SLC37A1: variants seen among roughly 807,000 people sequenced by gnomAD.
SLC37A1 encodes the protein glucose-6-phosphate exchanger SLC37A1.
A neutral mutation model predicts 75.3 loss-of-function variants in SLC37A1; 49 were observed. The ratio of observed to expected loss-of-function variants is 0.65; its 90% confidence interval spans 0.52 to 0.83. SLC37A1 has a LOEUF of 0.83. Among genes scored for constraint, SLC37A1 ranks in the 40% least tolerant of loss-of-function variants. The pLI is 0.00. For synonymous variants in SLC37A1, 268 were observed against 292.1 expected (o/e 0.92, Z 0.84); for missense variants, 566 against 695.0 (o/e 0.81, Z 2.09).
At position 42,501,102 on chromosome 21, in the gene SLC37A1, A is replaced by C. The variant is rs73374137; in HGVS notation, c.-300-1194A>C. Among the ~76,000 whole-genome samples, 1,078 of 152,380 alleles carry C rather than the reference A, an allele frequency of 7.1e-3. 13 individuals carry two copies. The highest frequency in any genetic ancestry group is 0.024 in the African/African-American group (1,013 of 41,586). ...TTTCACGTTGGGTAGCAACTCAAGG[A>C]CATAGCTCAGTGCTTGGCACATAGT... On this transcript the variant is annotated intron_variant, in intron 1 of 20. Coordinates refer to the SLC37A1 transcript ENST00000398341.
intron 10 of SLC37A1, among the ~76,000 whole-genome samples, chr21:42,557,465 G>T (rs1313102597): frequency 6.6e-6 from 1 of 152,288 alleles, no homozygotes. Context: ...CACGTGCCGT[G>T]ATGGGATTAT....
Position 42,564,700 on chromosome 21 carries a change from C to G in SLC37A1, c.1136-8C>G. 6.2e-7 allele frequency: 1 copy of G among 1,610,136 alleles called. No individual in the cohort carries two copies. Among genetic ancestry groups the G allele is most frequent in the Non-Finnish European group, 8.5e-7 (1 of 1,179,054 alleles). ...CGTCAGTGCCTGAAGCCCGCCTCTC[C>G]GTTGCAGGTGGGATCCTGGCAGGTG... On this transcript the variant is annotated splice_region_variant and splice_polypyrimidine_tract_variant and intron_variant, in intron 13 of 19. Coordinates refer to ENST00000352133, the MANE Select transcript of SLC37A1 (RefSeq NM_001320537.2).
At chr21:42,532,874 A>T (rs1377863885) in intron 3 of SLC37A1, among the ~76,000 whole-genome samples, 1 of 152,238 alleles carries the variant, frequency 6.6e-6, no homozygotes, top group Non-Finnish European at 1.5e-5. Context: ...ATTGTAAAGT[A>T]GAGCCCTTGG....
intron 3 of SLC37A1, among the ~76,000 whole-genome samples, chr21:42,527,529 C>T (rs1039915852): frequency 6.6e-6 from 1 of 152,106 alleles, no homozygotes; most frequent in Admixed American, 6.5e-5. Flanking sequence ...TTACAGAGCC[C>T]TGGGGTATGA....
In SLC37A1 at chr21:42,574,993, C is replaced by A. The variant is rs182899896; in HGVS notation, c.1521+78C>A. 2.2e-3 allele frequency: 3,502 copies of A among 1,588,558 alleles called. 86 individuals are homozygous for A. The highest frequency in any genetic ancestry group is 2.8e-4 in the Non-Finnish European group (326 of 1,166,918). ...TGTGTCCAAACACTGGTGGAACTTT[C>A]TCCCATGCATTCCTGAGTTATCAGA... On this transcript the variant is annotated intron_variant, in intron 18 of 19. Coordinates refer to ENST00000352133, the MANE Select transcript of SLC37A1 (RefSeq NM_001320537.2).
chr21:42,535,274 T>C (rs1219040135), intron 4 of SLC37A1, among the ~76,000 whole-genome samples, 198 bp from the exon 5 acceptor site: 1 of 152,264 alleles, frequency 6.6e-6, no homozygotes, highest in Non-Finnish European at 1.5e-5. Flanking sequence ...TAGTGATTAT[T>C]TGAAACTGCG....
chr21:42,564,577 C>G, intron 13 of SLC37A1, 131 bp from the exon 14 acceptor site: 1 of 696,840 alleles, frequency 1.4e-6, no homozygotes, highest in Non-Finnish European at 2.5e-6. Flanking sequence ...AGAAGGCTGC[C>G]TGCCCGTGAT....
intron 5 of SLC37A1, among the ~76,000 whole-genome samples, chr21:42,536,145 G>A (rs1414948108): frequency 6.6e-6 from 1 of 152,188 alleles, no homozygotes; most frequent in Non-Finnish European, 1.5e-5. Flanking sequence ...GCTCTGCGTG[G>A]TGGGCAGGGA....
At chr21:42,527,178 G>C (rs768328735) in intron 3 of SLC37A1, among the ~76,000 whole-genome samples, 2 of 152,192 alleles carry the variant, frequency 1.3e-5, no homozygotes, top group African/African-American at 2.4e-5. Context: ...TGAGTGCTAC[G>C]TGCAGGGATG....
intron 5 of SLC37A1, among the ~76,000 whole-genome samples, chr21:42,536,006 G>A (rs140114644): frequency 6.6e-6 from 1 of 152,254 alleles, no homozygotes; most frequent in Non-Finnish European, 1.5e-5. Flanking sequence ...GTGCTGAACA[G>A]CTCTACCTGG....
At chr21:42,572,677 C>CACACAAAAAA (rs1378861804) in intron 17 of SLC37A1, among the ~76,000 whole-genome samples, 14 of 80,516 alleles carry the variant, frequency 1.7e-4, no homozygotes, top group African/African-American at 4.8e-4. Flanking sequence ...CACACACACA[C>CACACAAAAAA]AAAAAAAAAA....
In SLC37A1 at chr21:42,508,151, C is replaced by T. The variant is rs1030107314; in HGVS notation, c.-179+5734C>T. ...TTTTTTTTTTTTTTTTTTTTTGAGG[C>T]GGAGTCTCGCTCTGTTGCCCAGGCT... On this transcript the variant is annotated intron_variant, in intron 2 of 20. Transcript: ENST00000398341. Among the ~76,000 whole-genome samples, 35 of 98,704 alleles carry T rather than the reference C, an allele frequency of 3.5e-4. No individual in the cohort carries two copies. The South Asian group carries it at 7.2e-3, about 20-fold the overall frequency. The allele number at this position is 98,704 out of a possible 152,430, so 64.8% of individuals were successfully genotyped here.
At chr21:42,529,721 G>T (rs1049458587) in intron 3 of SLC37A1, among the ~76,000 whole-genome samples, 4 of 152,214 alleles carry the variant, frequency 2.6e-5, no homozygotes, top group African/African-American at 9.7e-5. Flanking sequence ...ACGGAATTCA[G>T]ATCGCCAGGA....
chr21:42,524,908 A>AGGGCAACCGACCACGTGATT (rs2146749893), intron 2 of SLC37A1, among the ~76,000 whole-genome samples: 1 of 152,222 alleles, frequency 6.6e-6, no homozygotes, highest in African/African-American at 2.4e-5. Flanking sequence ...ACTGGTTGCC[A>AGGGCAACCGACCACGTGATT]GGGCAACCGA....
At chr21:42,530,595 T>TAC (rs71190427) in intron 3 of SLC37A1, among the ~76,000 whole-genome samples, 2,527 of 103,018 alleles carry the variant, frequency 0.025, 51 homozygotes, top group East Asian at 0.065. Flanking sequence ...ATGCAGATGA[T>TAC]ACACACACAC....
rs377723944 is a variant in SLC37A1, at chr21:42,566,957, C to T, written c.1271-28C>T. 8 of 1,597,986 alleles carry T rather than the reference C, an allele frequency of 5.0e-6. 1 individual carries two copies. In the African/African-American group the frequency reaches 1.1e-4, roughly 21 times the overall value. On this transcript the variant is annotated intron_variant, in intron 15 of 19. Coordinates refer to ENST00000352133, the MANE Select transcript of SLC37A1 (RefSeq NM_001320537.2). ...GCGGGGCTCTCTGGAGGGCACATTTCCATTCTTTGCCCCTCTGCCTCCCAC... is the reference window on the plus strand; with the variant it reads ...GCGGGGCTCTCTGGAGGGCACATTTTCATTCTTTGCCCCTCTGCCTCCCAC...
chr21:42,535,055 A>G (rs933926854), intron 4 of SLC37A1, among the ~76,000 whole-genome samples: 2 of 152,238 alleles, frequency 1.3e-5, no homozygotes, highest in Non-Finnish European at 2.9e-5. Flanking sequence ...TGTGCTGAAG[A>G]TCATTTGCAT....
intron 18 of SLC37A1, among the ~76,000 whole-genome samples, chr21:42,579,384 C>T (rs1004536793): frequency 1.4e-4 from 22 of 152,334 alleles, no homozygotes; most frequent in African/African-American, 5.3e-4. Flanking sequence ...TTCCTTTTTC[C>T]CACTGTGGAC....
rs192123282 is a variant in SLC37A1 at position 42,532,256 on chromosome 21, G to A, written c.139-2442G>A. Among the ~76,000 whole-genome samples, 315 of 152,294 alleles carry A rather than the reference G, an allele frequency of 2.1e-3. 6 individuals are homozygous for A. The South Asian group carries it at 0.041, about 20-fold the overall frequency. On this transcript the variant is annotated intron_variant, in intron 3 of 19. Coordinates refer to ENST00000352133, the MANE Select transcript of SLC37A1 (RefSeq NM_001320537.2). ...TGAAAAAAAGGGAACATTTCTAATC[G>A]GATATGTTTTCCACAGGTGGTTCCT...
Sources: gnomAD v4.1 joint callset for allele counts (sites outside exome capture counted in the v4.1 genomes callset) on GRCh38, gnomAD v4.1.1 for gene constraint, MANE v1.5 for transcripts, NCBI Gene and HGNC (gene_info 2026-07-23, HGNC 2026-07-21) for gene names.